Variants in ELMO1 observed in about 807,000 individuals in gnomAD.
ELMO1 encodes the protein engulfment and cell motility protein 1.
A neutral mutation model predicts 98.9 loss-of-function variants in ELMO1; 26 were observed. The observed-to-expected ratio is 0.26, with a 90% confidence interval of 0.19 to 0.36. ELMO1 has a LOEUF of 0.36. Among genes scored for constraint, ELMO1 ranks in the 10% least tolerant of loss-of-function variants. The pLI is 1.00. For missense variants in ELMO1, 627 were observed against 935.2 expected (o/e 0.67, Z 4.30); for synonymous variants, 346 against 346.0 (o/e 1.00, Z 0.00).
rs77466948 is a variant in ELMO1, at chr7:37,426,653, T to C, written c.-74+22022A>G. Among the ~76,000 whole-genome samples the C allele has an allele frequency of 9.9e-5, 15 of 152,234 alleles. No individual in the cohort carries two copies. In the East Asian group the frequency reaches 2.9e-3, roughly 29 times the overall value. ...GTCTCAAGGTCACCAACAGGTAAAC[T>C]CTGGCAAGTCAGTCCTTGTCTCGCC... On this transcript the variant is annotated intron_variant, in intron 1 of 21. Coordinates refer to ENST00000310758, the MANE Select transcript of ELMO1 (RefSeq NM_014800.11).
Position 37,319,789 on chromosome 7 carries a change from A to G in ELMO1, c.79-3829T>C, listed in dbSNP as rs372906408. On this transcript the variant is annotated intron_variant, in intron 2 of 21. Transcript: ENST00000310758. ...TCTTCCACAACCTCTCTCCCTTTTT[A>G]TCTTTCCAGACCTTTCCTACCACCT... Among the ~76,000 whole-genome samples, 14 of 152,186 alleles carry G rather than the reference A, an allele frequency of 9.2e-5. No individual in the cohort carries two copies. The East Asian group carries it at 2.1e-3, about 23-fold the overall frequency.
intron 15 of ELMO1, among the ~76,000 whole-genome samples, chr7:37,063,917 TC>T (rs1796806731): frequency 6.6e-6 from 1 of 152,122 alleles, no homozygotes; most frequent in African/African-American, 2.4e-5. Context: ...AACCACTTTC[TC>T]CCATGCAGAT....
In ELMO1 at chr7:36,965,448, T is replaced by C. The variant is rs561057803; in HGVS notation, c.1437+47851A>G. ...AGAAGATTGTTTTCGGACTCAGCTA[T>C]GGGAGAAGAGAGGGAGGCACTGGAG... On this transcript the variant is annotated intron_variant, in intron 16 of 21. Transcript: ENST00000310758. 5.3e-5 allele frequency among the ~76,000 whole-genome samples: 8 copies of C among 152,286 alleles called. 1 individual carries two copies. The highest frequency in any genetic ancestry group is 1.9e-4 in the East Asian group (1 of 5,184).
intron 1 of ELMO1, among the ~76,000 whole-genome samples, chr7:37,447,559 C>A (rs1805674800): frequency 6.6e-6 from 1 of 151,798 alleles, no homozygotes; most frequent in African/African-American, 2.4e-5. Context: ...GCCCCCTAGG[C>A]GGGAGAGGGT....
intron 21 of ELMO1, among the ~76,000 whole-genome samples, chr7:36,858,504 C>A (rs1483888076): frequency 6.6e-6 from 1 of 152,174 alleles, no homozygotes; most frequent in Non-Finnish European, 1.5e-5. Context: ...TCCAAAGACA[C>A]CCACATCCTA....
intron 6 of ELMO1, among the ~76,000 whole-genome samples, chr7:37,246,566 T>C (rs1189946759): frequency 3.3e-5 from 5 of 152,106 alleles, no homozygotes; most frequent in Admixed American, 6.5e-5. Context: ...AGACATACAA[T>C]ATGGGTCTTC....
In ELMO1 at chr7:37,162,970, GTTTA is replaced by G. The variant is rs912076830; in HGVS notation, c.1087-29740_1087-29737del. On this transcript the variant is annotated intron_variant, in intron 13 of 21. Coordinates refer to ENST00000310758, the MANE Select transcript of ELMO1 (RefSeq NM_014800.11). ...TCCTGAATAAATAATCCTTGTTCAG[GTTTA>G]TTTATTTTAAAAATGTTCCAATATG... 3.9e-5 allele frequency among the ~76,000 whole-genome samples: 6 copies of G among 152,198 alleles called. No individual in the cohort carries two copies. In the East Asian group the frequency reaches 7.7e-4, roughly 20 times the overall value.
chr7:37,203,120 G>A (rs1262878366), intron 13 of ELMO1, among the ~76,000 whole-genome samples: 3 of 152,304 alleles, frequency 2.0e-5, no homozygotes, highest in East Asian at 3.9e-4. Context: ...ACCACAAGGA[G>A]GACCAAGAAG....
chr7:36,911,952 C>G (rs1292423458), intron 16 of ELMO1, among the ~76,000 whole-genome samples: 4 of 152,168 alleles, frequency 2.6e-5, no homozygotes, highest in Admixed American at 6.5e-5. Context: ...TACAGCAGCT[C>G]GGCTCATCAC....
At chr7:37,134,306 C>T (rs1449151549) in intron 13 of ELMO1, among the ~76,000 whole-genome samples, 2 of 152,146 alleles carry the variant, frequency 1.3e-5, no homozygotes, top group Admixed American at 6.5e-5. Context: ...GGCATGGTAG[C>T]TCATGCCTGT....
At chr7:37,287,117 C>T (rs561515670) in intron 4 of ELMO1, among the ~76,000 whole-genome samples, 11 of 150,860 alleles carry the variant, frequency 7.3e-5, no homozygotes, top group South Asian at 2.1e-4. Flanking sequence ...CGCTTGAACC[C>T]GGGAGGTGGA....
intron 15 of ELMO1, among the ~76,000 whole-genome samples, chr7:37,071,408 C>T (rs998505109): frequency 2.6e-4 from 39 of 152,112 alleles, no homozygotes; most frequent in Non-Finnish European, 2.4e-4. Flanking sequence ...ATGTATTTTT[C>T]CCAAAGCTGG....
At position 37,293,065 on chromosome 7, in the gene ELMO1, G is replaced by A. The variant is rs1347758405; in HGVS notation, c.193-21183C>T. ...AGGTGGGGGGGTCAGCCCCCTGCCC[G>A]GCCAGCCGCCCCGTCCGGGAGGGAG... is the stretch of plus-strand genomic sequence containing the variant. On this transcript the variant is annotated intron_variant, in intron 4 of 21. Coordinates refer to ENST00000310758, the MANE Select transcript of ELMO1 (RefSeq NM_014800.11). Among the ~76,000 whole-genome samples the A allele has an allele frequency of 1.1e-4, 4 of 34,810 alleles. 1 individual carries two copies. The highest frequency in any genetic ancestry group is 2.8e-4 in the African/African-American group (4 of 14,536). The allele number at this position is 34,810 out of a possible 152,430, so 22.8% of individuals were successfully genotyped here.
intron 15 of ELMO1, among the ~76,000 whole-genome samples, chr7:37,033,915 C>T (rs1268782304): frequency 6.6e-6 from 1 of 152,186 alleles, no homozygotes; most frequent in South Asian, 2.1e-4. Context: ...TAGCTAGTAA[C>T]TCTCTCAATT....
chr7:36,897,334 G>GTGTGTGTGTGTGTGTGTGTGTGTA (rs1199705124), intron 16 of ELMO1, among the ~76,000 whole-genome samples: 7 of 142,948 alleles, frequency 4.9e-5, no homozygotes, highest in Non-Finnish European at 7.6e-5. Flanking sequence ...ACGTGTGTGT[G>GTGTGTGTGTGTGTGTGTGTGTGTA]TGTGTGTGTG....
At chr7:37,059,663 C>A (rs370006684) in intron 15 of ELMO1, among the ~76,000 whole-genome samples, 1 of 152,150 alleles carries the variant, frequency 6.6e-6, no homozygotes, top group African/African-American at 2.4e-5. Flanking sequence ...AAGTCATGTG[C>A]AGGAGGCCCC....
chr7:37,442,112 A>T (rs1805436489), intron 1 of ELMO1, among the ~76,000 whole-genome samples: 2 of 152,192 alleles, frequency 1.3e-5, no homozygotes, highest in South Asian at 4.1e-4. Flanking sequence ...ACAAACGACT[A>T]ATGTACTGGC....
At chr7:37,165,812 T>C (rs985788177) in intron 13 of ELMO1, among the ~76,000 whole-genome samples, 3 of 152,158 alleles carry the variant, frequency 2.0e-5, no homozygotes, top group African/African-American at 7.2e-5. Context: ...TTTGGTTCTG[T>C]CTCTGCCCGG....
chr7:37,265,298 T>C lies in ELMO1; in HGVS notation c.244-5948A>G, dbSNP rs138625697. Among the ~76,000 whole-genome samples, 33 of 152,294 alleles carry C rather than the reference T, an allele frequency of 2.2e-4. No homozygotes were observed. The East Asian group carries it at 5.6e-3, about 26-fold the overall frequency. Reference sequence around the variant, plus strand: ...TCTCCCCTGGCCTTCTCAAGTATTTTACTTCAAATTTATCTCCCTTTCTTC... The same window carrying C: ...TCTCCCCTGGCCTTCTCAAGTATTTCACTTCAAATTTATCTCCCTTTCTTC... On this transcript the variant is annotated intron_variant, in intron 5 of 21. Transcript: ENST00000310758.
Sources: allele counts gnomAD v4.1 joint callset (sites outside exome capture counted in the v4.1 genomes callset), GRCh38; gene constraint gnomAD v4.1.1; transcripts MANE v1.5; gene names NCBI Gene and HGNC (gene_info 2026-07-23, HGNC 2026-07-21).